Variants in ARRDC3 observed in about 807,000 individuals in gnomAD.
The protein encoded by ARRDC3 is arrestin domain containing 3.
Under a neutral mutation model 47.2 loss-of-function variants are expected in ARRDC3, and 10 were observed. That is an observed-to-expected ratio of 0.21 (90% CI 0.13 to 0.36). The LOEUF (loss-of-function observed/expected upper bound fraction) is 0.36, where lower values mean the gene tolerates loss of function less well. ARRDC3 is among the 10% of genes least tolerant of loss of function. ARRDC3 has a pLI of 1.00. For synonymous variants in ARRDC3, 156 were observed against 178.3 expected (o/e 0.87, Z 1.00); for missense variants, 381 against 503.6 (o/e 0.76, Z 2.33).
At chr5:91,374,414 T>C (rs1799251911) in intron 5 of ARRDC3, 138 bp from the exon 6 acceptor site, 1 of 722,396 alleles carries the variant, frequency 1.4e-6, no homozygotes, top group Non-Finnish European at 2.3e-6. Flanking sequence ...GTTTCTCTTT[T>C]ATGTATAATT....
chr5:91,369,370 A>G lies in ARRDC3; in HGVS notation c.*2030T>C, dbSNP rs1358290013. 2.0e-5 allele frequency: 3 copies of G among 152,364 alleles called. No homozygotes were observed. The Admixed American group carries it at 2.0e-4, about 10-fold the overall frequency. 9.4% of individuals were successfully genotyped at this position (152,364 alleles called of 1,614,324 possible). A position where few individuals can be genotyped will look rare whatever the true frequency, so the allele number is the denominator to read the frequency against. ...TTTTGAGGGGGACATTCACAAAATG[A>G]TTCAACAATAAAAAAATATTTCACC... On this transcript the variant is annotated 3_prime_UTR_variant, in exon 8 of 8. Transcript: ENST00000265138.
chr5:91,371,687 T>A (rs1333843573), intron 7 of ARRDC3, among the ~76,000 whole-genome samples: 2 of 152,144 alleles, frequency 1.3e-5, no homozygotes, highest in Non-Finnish European at 2.9e-5. Context: ...TTAACAAGCT[T>A]TATAAAGGCA....
At chr5:91,375,739 T>G in intron 3 of ARRDC3, 126 bp from the exon 4 acceptor site, 1 of 528,036 alleles carries the variant, frequency 1.9e-6, no homozygotes, top group Admixed American at 3.8e-5. Context: ...GCTTTTTTTT[T>G]GTATCCAGAC....
intron 4 of ARRDC3, 165 bp from the exon 5 acceptor site, chr5:91,375,343 G>T: frequency 2.2e-6 from 2 of 925,904 alleles, no homozygotes; most frequent in Non-Finnish European, 1.6e-6. Context: ...GTAGCTATTT[G>T]AAAAAGGAAA....
intron 1 of ARRDC3, among the ~76,000 whole-genome samples, chr5:91,379,639 T>C (rs1799393621): frequency 6.6e-6 from 1 of 151,994 alleles, no homozygotes; most frequent in African/African-American, 2.4e-5. Context: ...AAAATAAATA[T>C]AATCGAAAAT....
At position 91,371,413 on chromosome 5, in the gene ARRDC3, C is replaced by A. The variant is rs573858526; in HGVS notation, c.1232G>T (p.Cys411Phe). The A allele has an allele frequency of 1.2e-6, 2 of 1,613,178 alleles. No individual in the cohort carries two copies. Among genetic ancestry groups the A allele is most frequent in the South Asian group, 1.1e-5 (1 of 91,032 alleles). Residue 411 changes from cysteine to phenylalanine, a missense_variant, in exon 8 of 8, where the codon TGC (cysteine) becomes TTC (phenylalanine). Transcript: ENST00000265138. ...CCAAGTGTTCCTTCAACGAGAGGGG[C>A]AGGATGGTCTATCATCTGCTGACTG... The part of the protein sequence containing the change: ...PDQSADDRPS[C>F]PSR
chr5:91,379,292 TA>T (rs377674022), intron 1 of ARRDC3, among the ~76,000 whole-genome samples: 16,996 of 107,612 alleles, frequency 0.16, 1,214 homozygotes, highest in East Asian at 0.37. Flanking sequence ...ATAGACGGAG[TA>T]AAAAAAAAAA....
At chr5:91,378,890 T>G in intron 1 of ARRDC3, 115 bp from the exon 2 acceptor site, 1 of 559,450 alleles carries the variant, frequency 1.8e-6, no homozygotes, top group Non-Finnish European at 3.0e-6. Context: ...AAACAAGCTT[T>G]GGAGTCTGAG....
intron 1 of ARRDC3, 74 bp from the exon 2 acceptor site, chr5:91,378,849 T>A: frequency 1.1e-6 from 1 of 881,296 alleles, no homozygotes; most frequent in Non-Finnish European, 1.7e-6. Flanking sequence ...GGCATAACTT[T>A]AAAGATGCTT....
Position 91,383,024 on chromosome 5 carries a change from C to T in ARRDC3, c.69G>A (p.Val23=), listed in dbSNP as rs749502169. The change falls in exon 1 of 8, where the codon GTG becomes GTA. Residue 23 remains valine (V), a synonymous_variant. Coordinates refer to ENST00000265138, the MANE Select transcript of ARRDC3 (RefSeq NM_020801.4). The part of the protein sequence containing the change: ...FDCLNDSNVP[V]YSSGDTVSGR... ...CTGAGACGGTATCCCCACTAGAATACACAGGGACATTGCTGTCATTAAGAC... is the reference window on the plus strand; with the variant it reads ...CTGAGACGGTATCCCCACTAGAATATACAGGGACATTGCTGTCATTAAGAC... 15 of 1,614,042 alleles carry T rather than the reference C, an allele frequency of 9.3e-6. No homozygotes were observed. Among genetic ancestry groups the T allele is most frequent in the South Asian group, 2.2e-5 (2 of 91,080 alleles).
chr5:91,382,402 C>T (rs961106556), intron 1 of ARRDC3, among the ~76,000 whole-genome samples: 1 of 152,206 alleles, frequency 6.6e-6, no homozygotes, highest in Non-Finnish European at 1.5e-5. Flanking sequence ...AATGTTATTA[C>T]ATTTCTTGAT....
At chr5:91,375,482 T>C (rs1231883180) in intron 4 of ARRDC3, 29 bp downstream of exon 4, 1 of 1,514,116 alleles carries the variant, frequency 6.6e-7, no homozygotes, top group Non-Finnish European at 9.0e-7. Context: ...TGAAGAAAAG[T>C]TTTTTGTGGG....
intron 1 of ARRDC3, chr5:91,380,715 C>T (rs1799433713): frequency 6.6e-6 from 1 of 152,294 alleles, no homozygotes; most frequent in African/African-American, 2.4e-5. Context: ...CCTGCCAACC[C>T]TTCCCATCCA....
chr5:91,380,958 G>C (rs1398470190), intron 1 of ARRDC3: 1 of 152,210 alleles, frequency 6.6e-6, no homozygotes, highest in Non-Finnish European at 1.5e-5. Context: ...CGCTCTGGAG[G>C]AACCTTTACC....
chr5:91,375,673 A>C, intron 3 of ARRDC3, 60 bp from the exon 4 acceptor site: 1 of 1,060,766 alleles, frequency 9.4e-7, no homozygotes, highest in South Asian at 2.0e-5. Flanking sequence ...TCAATACCAG[A>C]ATATTTTAAA....
rs1799263072 is a variant in ARRDC3, at chr5:91,374,910, A to C, written c.870+12T>G. The stretch of plus-strand genomic sequence containing the variant: ...AAAAAGAAAGGAAAAAACCTCTTAA[A>C]TGTGTACATACCATTAGTGAATATT... On this transcript the variant is annotated intron_variant, in intron 5 of 7. Transcript: ENST00000265138. The C allele has an allele frequency of 6.2e-7, 1 of 1,611,964 alleles. No individual in the cohort carries two copies.
rs528007757 is a variant in ARRDC3, at chr5:91,370,187, T to C, written c.*1213A>G. 23 of 152,620 alleles carry C rather than the reference T, an allele frequency of 1.5e-4. No homozygotes were observed. Among genetic ancestry groups the C allele is most frequent in the African/African-American group, 4.3e-4 (18 of 41,592 alleles). 9.5% of individuals were successfully genotyped at this position (152,620 alleles called of 1,614,324 possible). On this transcript the variant is annotated 3_prime_UTR_variant, in exon 8 of 8. Transcript: ENST00000265138. The stretch of plus-strand genomic sequence containing the variant: ...ATATACTTTGCACCAGCAAAAGCGA[T>C]TTCCAACATATGTGTTTTGGAGGTA...
Position 91,373,712 on chromosome 5 carries a change from C to T in ARRDC3, c.1160G>A (p.Arg387Gln), listed in dbSNP as rs1348057924. The change falls in exon 7 of 8, where the codon CGA becomes CAA. Residue 387 changes from arginine (R) to glutamine (Q), a missense_variant. By Grantham distance (43) the Arg-to-Gln change is conservative. Transcript: ENST00000265138. ...TGAATAAAGAGGTGGAGGCAAGAAT[C>T]GAAACTCCTGGATATATGCAAACAG... ...GPLFAYIQEFRFLPPPLYSEI... is the reference protein window; with the variant it reads ...GPLFAYIQEFQFLPPPLYSEI... The T allele has an allele frequency of 6.8e-6, 11 of 1,613,614 alleles. No individual in the cohort carries two copies. The highest frequency in any genetic ancestry group is 2.2e-5 in the South Asian group (2 of 91,042).
At chr5:91,379,152 AC>A (rs1799376711) in intron 1 of ARRDC3, among the ~76,000 whole-genome samples, 1 of 152,134 alleles carries the variant, frequency 6.6e-6, no homozygotes, top group African/African-American at 2.4e-5. Context: ...TAAATTTATC[AC>A]ATTAAGACTA....
Sources: allele counts gnomAD v4.1 joint callset (sites outside exome capture counted in the v4.1 genomes callset), GRCh38; gene constraint gnomAD v4.1.1; transcripts MANE v1.5; gene names NCBI Gene and HGNC (gene_info 2026-07-23, HGNC 2026-07-21).